The following FHIP2A variants were observed in gnomAD, a reference collection of about 807,000 sequenced individuals.
FHIP2A encodes FHF complex subunit HOOK interacting protein 2A.
Under a neutral mutation model 93.5 loss-of-function variants are expected in FHIP2A, and 46 were observed. The ratio of observed to expected loss-of-function variants is 0.49; its 90% CI spans 0.39 to 0.63. The LOEUF is 0.63. Among genes scored for constraint, FHIP2A ranks in the 20% least tolerant of loss-of-function variants. The pLI is 0.00. For synonymous variants in FHIP2A, 332 were observed against 326.5 expected (o/e 1.02, Z -0.18); for missense variants, 769 against 909.7 (o/e 0.85, Z 1.99).
intron 1 of FHIP2A, among the ~76,000 whole-genome samples, chr10:114,822,459 C>T (rs2083536970): frequency 1.3e-5 from 2 of 152,082 alleles, no homozygotes; most frequent in Non-Finnish European, 2.9e-5. Context: ...GCCGGGGGTT[C>T]GGGGAGCACC....
chr10:114,898,991 C>T (rs992622743), intron 16 of FHIP2A, among the ~76,000 whole-genome samples: 13 of 152,160 alleles, frequency 8.5e-5, no homozygotes, highest in African/African-American at 2.7e-4. Flanking sequence ...TGTATACTGA[C>T]ATGTGCCCCT....
chr10:114,822,424 G>T (rs1365560340), intron 1 of FHIP2A, among the ~76,000 whole-genome samples: 1 of 152,110 alleles, frequency 6.6e-6, no homozygotes, highest in Non-Finnish European at 1.5e-5. Flanking sequence ...ACGCCGCTCG[G>T]TGGTCGCCTC....
intron 1 of FHIP2A, among the ~76,000 whole-genome samples, chr10:114,825,766 C>A (rs748241271): frequency 5.3e-5 from 8 of 152,186 alleles, no homozygotes; most frequent in Non-Finnish European, 1.0e-4. Context: ...AAAACACTTT[C>A]CATGTAGTAC....
chr10:114,846,708 T>G lies in FHIP2A; in HGVS notation c.1548T>G (p.Asn516Lys), dbSNP rs770909772. Residue 516 changes from asparagine to lysine, a missense_variant, in exon 11 of 17, where the codon AAT becomes AAG. Physicochemically the swap from Asn to Lys is moderately conservative, Grantham distance 94. Transcript: ENST00000369248. ...LCPEDKDVVE[N>K]GLIAGAVDLE... ...CAGAAGATAAAGATGTGGTAGAAAA[T>G]GGATTGATAGCAGGAGCAGTGTAAG... 6.2e-7 allele frequency: 1 copy of G among 1,602,506 alleles called. No individual in the cohort carries two copies. Among genetic ancestry groups the G allele is most frequent in the Non-Finnish European group, 8.5e-7 (1 of 1,177,110 alleles).
intron 13 of FHIP2A, 41 bp from the exon 14 acceptor site, chr10:114,855,156 G>A (rs975273544): frequency 1.3e-6 from 2 of 1,573,128 alleles, no homozygotes; most frequent in African/African-American, 1.4e-5. Context: ...ATCTTAATTT[G>A]TTTTTGTTCT....
At chr10:114,875,329 GGGA>G (rs1407813253) in intron 16 of FHIP2A, among the ~76,000 whole-genome samples, 1 of 152,168 alleles carries the variant, frequency 6.6e-6, no homozygotes, top group African/African-American at 2.4e-5. Context: ...GGATCTGTGA[GGGA>G]GGAGAAAACC....
In FHIP2A at chr10:114,859,220, GC is replaced by G. The variant is rs751766981; in HGVS notation, c.1948-1527del. On this transcript the variant is annotated intron_variant, in intron 14 of 16. Transcript: ENST00000369248. ...TAGTAAGTTAGAAAGACTAAAATGG[GC>G]CTTACAGCATAGGACTTGAGAGTTT... Among the ~76,000 whole-genome samples, 12 of 152,114 alleles carry G rather than the reference GC, an allele frequency of 7.9e-5. No homozygotes were observed. The East Asian group carries it at 1.9e-3, about 24-fold the overall frequency.
intron 5 of FHIP2A, among the ~76,000 whole-genome samples, chr10:114,837,919 G>A (rs2083645444): frequency 6.6e-6 from 1 of 152,170 alleles, no homozygotes; most frequent in African/African-American, 2.4e-5. Context: ...ACACCAGTGA[G>A]GGACTTCTGG....
chr10:114,828,749 T>C (rs1213635557), intron 1 of FHIP2A, among the ~76,000 whole-genome samples: 2 of 152,218 alleles, frequency 1.3e-5, no homozygotes, highest in Non-Finnish European at 2.9e-5. Flanking sequence ...CATGTTCTCC[T>C]TGAAGTTAAA....
downstream of FHIP2A, among the ~76,000 whole-genome samples, chr10:114,866,174 A>G (rs958981008): frequency 6.7e-6 from 1 of 149,298 alleles, no homozygotes; most frequent in African/African-American, 2.5e-5. Flanking sequence ...TTCCCGCCCT[A>G]TGTCATTGTT....
chr10:114,824,346 A>G (rs2083561132), intron 1 of FHIP2A, among the ~76,000 whole-genome samples: 1 of 152,186 alleles, frequency 6.6e-6, no homozygotes, highest in African/African-American at 2.4e-5. Flanking sequence ...TTATAATTGT[A>G]TATATTAGCA....
rs910037389 is a variant in FHIP2A, at chr10:114,896,558, C to T, written c.2193-2932C>T. On this transcript the variant is annotated intron_variant, in intron 16 of 16. Coordinates refer to the FHIP2A transcript ENST00000369250. ...ACTGAGATAGATGCATATCTGATTG[C>T]CTCCTTTGGAAAGGCTCATCAGAAA... 3.9e-5 allele frequency among the ~76,000 whole-genome samples: 6 copies of T among 152,204 alleles called. No individual in the cohort carries two copies. The East Asian group carries it at 1.2e-3, about 29-fold the overall frequency.
At chr10:114,834,664 A>T (rs528131570) in intron 3 of FHIP2A, among the ~76,000 whole-genome samples, 112 of 152,322 alleles carry the variant, frequency 7.4e-4, no homozygotes, top group Non-Finnish European at 1.4e-3. Context: ...CATTGGGTTT[A>T]CCTACTTTTC....
chr10:114,874,606 G>A (rs2083874940), intron 16 of FHIP2A, among the ~76,000 whole-genome samples: 2 of 152,142 alleles, frequency 1.3e-5, no homozygotes, highest in Admixed American at 1.3e-4. Flanking sequence ...GGGTTCAAGC[G>A]ATTCTTCTGT....
At chr10:114,841,688 C>T (rs2143010982) in intron 5 of FHIP2A, among the ~76,000 whole-genome samples, 2 of 152,086 alleles carry the variant, frequency 1.3e-5, no homozygotes, top group Admixed American at 1.3e-4. Context: ...AACTCAATTT[C>T]TCAAGAAGAT....
intron 16 of FHIP2A, among the ~76,000 whole-genome samples, chr10:114,894,159 T>G (rs142021788): frequency 5.1e-4 from 77 of 152,300 alleles, no homozygotes; most frequent in African/African-American, 1.9e-3. Flanking sequence ...TATGATTCTT[T>G]CATTGATAAC....
chr10:114,861,303 C>A lies in FHIP2A; in HGVS notation c.2161C>A (p.Arg721=). The change falls in exon 16 of 17, where the codon CGG becomes AGG. Residue 721 remains arginine, a synonymous_variant. Transcript: ENST00000369248. ...TCCCAAGCTTCTGTTAGTCAGAAAG[C>A]GGTTACTTGGTTTGGAACCTGAAGG... The part of the protein sequence containing the change: ...FTPKLLLVRK[R]LLGLEPEGPI... 6 of 1,614,130 alleles carry A rather than the reference C, an allele frequency of 3.7e-6. No individual in the cohort carries two copies. Among genetic ancestry groups the A allele is most frequent in the Non-Finnish European group, 5.1e-6 (6 of 1,180,000 alleles).
At position 114,842,970 on chromosome 10, in the gene FHIP2A, A is replaced by G. The variant is rs1196208042; in HGVS notation, c.560A>G (p.Asn187Ser). 1 of 1,610,378 alleles carries G rather than the reference A, an allele frequency of 6.2e-7. No individual in the cohort carries two copies. Among genetic ancestry groups the G allele is most frequent in the Non-Finnish European group, 8.5e-7 (1 of 1,176,896 alleles). ...MKSLASKGVP[N>S]VISEDTLKGQ... Reference sequence around the variant, plus strand: ...TCATTGGCTTCCAAAGGAGTACCAAATGTAATTTCAGAAGATACATTAAAA... The same window carrying G: ...TCATTGGCTTCCAAAGGAGTACCAAGTGTAATTTCAGAAGATACATTAAAA... The change falls in exon 6 of 17, where the codon AAT becomes AGT. Residue 187 changes from asparagine to serine, a missense_variant. Physicochemically the swap from Asn to Ser is conservative, Grantham distance 46. Transcript: ENST00000369248.
chr10:114,822,215 C>A, intron 1 of FHIP2A, 92 bp downstream of exon 1: 2 of 819,192 alleles, frequency 2.4e-6, no homozygotes, highest in Non-Finnish European at 3.2e-6. Context: ...GCGGCCTTGG[C>A]CCGGCCCTCG....
Sources: gnomAD v4.1 joint callset for allele counts (sites outside exome capture counted in the v4.1 genomes callset) on GRCh38, gnomAD v4.1.1 for gene constraint, MANE v1.5 for transcripts, NCBI Gene and HGNC (gene_info 2026-07-23, HGNC 2026-07-21) for gene names.